The following PTPRD variants were observed in gnomAD, a reference collection of about 807,000 sequenced individuals.
PTPRD encodes receptor-type tyrosine-protein phosphatase delta.
Under a neutral mutation model 214.5 loss-of-function variants are expected in PTPRD, and 34 were observed. The ratio of observed to expected loss-of-function variants is 0.16; its 90% CI spans 0.12 to 0.21. The LOEUF (loss-of-function observed/expected upper bound fraction) is 0.21, where lower values mean the gene tolerates loss of function less well. Ranked by LOEUF, PTPRD falls within the 10% of genes least tolerant of loss-of-function variation. The pLI, the probability that PTPRD is intolerant of heterozygous loss-of-function variation, is 1.00. For missense variants in PTPRD, 2,545 were observed against 2,398.7 expected, an observed-to-expected ratio of 1.06 and a Z score of -1.27; for synonymous variants, 1,128 against 845.7, an observed-to-expected ratio of 1.33 and a Z score of -5.79.
At chr9:8,858,984 C>G (rs531722238) in intron 11 of PTPRD, among the ~76,000 whole-genome samples, 5 of 152,310 alleles carry the variant, frequency 3.3e-5, no homozygotes, top group African/African-American at 9.6e-5. Context: ...TGCTCTGCGT[C>G]CCAGCGCAAA....
At chr9:9,217,383 G>A (rs2099953022) in intron 9 of PTPRD, among the ~76,000 whole-genome samples, 1 of 152,166 alleles carries the variant, frequency 6.6e-6, no homozygotes, top group South Asian at 2.1e-4. Context: ...ATTTCCCAGA[G>A]TTGTTACTTT....
rs761057907 is a variant in PTPRD, at chr9:8,485,752, C to T, written c.3055+10G>A. The T allele has an allele frequency of 3.7e-6, 6 of 1,601,452 alleles. No individual in the cohort carries two copies. Among genetic ancestry groups the T allele is most frequent in the East Asian group, 4.5e-5 (2 of 44,738 alleles). On this transcript the variant is annotated intron_variant, in intron 28 of 45. Coordinates refer to ENST00000381196, the MANE Select transcript of PTPRD (RefSeq NM_002839.4). ...TTAAAGGAGGAAGGCCGTAAGCAGACAAATCCTACCTTGATCCACAGGCAG... is the reference window on the plus strand; with the variant it reads ...TTAAAGGAGGAAGGCCGTAAGCAGATAAATCCTACCTTGATCCACAGGCAG...
intron 11 of PTPRD, among the ~76,000 whole-genome samples, chr9:8,970,751 A>C (rs2099232826): frequency 6.6e-6 from 1 of 151,826 alleles, no homozygotes; most frequent in Non-Finnish European, 1.5e-5. Context: ...ATCTAAGTTC[A>C]AGCAAAATTT....
At chr9:9,479,394 T>C (rs960491518) in intron 8 of PTPRD, among the ~76,000 whole-genome samples, 1 of 151,822 alleles carries the variant, frequency 6.6e-6, no homozygotes, top group African/African-American at 2.4e-5. Flanking sequence ...GCTGTTTTTG[T>C]ATATTTCTTG....
intron 8 of PTPRD, among the ~76,000 whole-genome samples, chr9:9,475,585 T>A (rs1165260876): frequency 6.6e-6 from 1 of 152,192 alleles, no homozygotes; most frequent in Non-Finnish European, 1.5e-5. Flanking sequence ...TCTGTCACCC[T>A]TGCTCTTCTC....
At chr9:10,547,067 C>T (rs539528289) in intron 2 of PTPRD, among the ~76,000 whole-genome samples, 17 of 152,082 alleles carry the variant, frequency 1.1e-4, no homozygotes, top group African/African-American at 2.4e-4. Flanking sequence ...GGTCATATGA[C>T]GCTTTTTCTC....
chr9:8,683,427 A>C (rs762706399), intron 12 of PTPRD, among the ~76,000 whole-genome samples: 2 of 151,802 alleles, frequency 1.3e-5, no homozygotes, highest in Non-Finnish European at 2.9e-5. Flanking sequence ...AGAGAGAGAG[A>C]AAAGGAAATT....
intron 9 of PTPRD, among the ~76,000 whole-genome samples, chr9:9,257,508 T>C (rs1357751533): frequency 6.6e-6 from 1 of 151,948 alleles, no homozygotes; most frequent in Non-Finnish European, 1.5e-5. Flanking sequence ...TATTTAAAAA[T>C]TGGCCAAGGA....
At chr9:9,173,505 T>C (rs1485855663) in intron 10 of PTPRD, among the ~76,000 whole-genome samples, 1 of 152,074 alleles carries the variant, frequency 6.6e-6, no homozygotes, top group East Asian at 1.9e-4. Flanking sequence ...TTACTAATTA[T>C]AGCCTACCAG....
chr9:8,600,701 G>T (rs1594951796), intron 14 of PTPRD, among the ~76,000 whole-genome samples: 1 of 151,782 alleles, frequency 6.6e-6, no homozygotes, highest in Non-Finnish European at 1.5e-5. Flanking sequence ...ACCCAGTCCA[G>T]GCAGAATCCA....
chr9:10,501,241 G>A (rs1047513513), intron 2 of PTPRD, among the ~76,000 whole-genome samples: 7 of 151,828 alleles, frequency 4.6e-5, no homozygotes, highest in African/African-American at 7.2e-5. Context: ...TTTTAACTGG[G>A]GTGAGATGAT....
chr9:9,354,600 T>C (rs2052939478), intron 9 of PTPRD, among the ~76,000 whole-genome samples: 2 of 151,818 alleles, frequency 1.3e-5, no homozygotes, highest in South Asian at 2.1e-4. Flanking sequence ...CTGTAGAACT[T>C]ACATGCTATT....
At chr9:9,638,042 T>C (rs1328773749) in intron 7 of PTPRD, among the ~76,000 whole-genome samples, 1 of 152,144 alleles carries the variant, frequency 6.6e-6, no homozygotes, top group African/African-American at 2.4e-5. Flanking sequence ...ACCTCAAAGT[T>C]CTTCAAAATG....
intron 5 of PTPRD, among the ~76,000 whole-genome samples, chr9:9,917,147 C>T (rs1476401829): frequency 6.8e-6 from 1 of 148,070 alleles, no homozygotes; most frequent in Non-Finnish European, 1.5e-5. Context: ...CAATGAATGT[C>T]TAGAAAAGAA....
At chr9:8,781,424 A>G (rs572267889) in intron 11 of PTPRD, among the ~76,000 whole-genome samples, 2 of 152,346 alleles carry the variant, frequency 1.3e-5, no homozygotes, top group Admixed American at 1.3e-4. Context: ...GAAAGAAGAA[A>G]GACACAGTCA....
rs568936730 is a variant in PTPRD, at chr9:9,863,936, T to A, written c.-368+74571A>T. 2.0e-5 allele frequency among the ~76,000 whole-genome samples: 3 copies of A among 152,314 alleles called. No individual in the cohort carries two copies. In the East Asian group the frequency reaches 5.8e-4, roughly 29 times the overall value. On this transcript the variant is annotated intron_variant, in intron 5 of 45. Coordinates refer to ENST00000381196, the MANE Select transcript of PTPRD (RefSeq NM_002839.4). ...CTGAATTTTGCAGTTATGTGAGTTA[T>A]TTTGAGTTGGTTGATTTCTCATTTA...
chr9:8,786,881 A>G (rs930580424), intron 11 of PTPRD, among the ~76,000 whole-genome samples: 9 of 152,102 alleles, frequency 5.9e-5, no homozygotes, highest in African/African-American at 2.2e-4. Context: ...GTGTCTGCTG[A>G]GGAAATATAA....
chr9:10,535,618 A>G (rs577999918), intron 2 of PTPRD, among the ~76,000 whole-genome samples: 3 of 152,298 alleles, frequency 2.0e-5, no homozygotes, highest in East Asian at 1.9e-4. Context: ...AAAAAAGTCA[A>G]TAAATAAAGC....
chr9:9,416,687 C>A (rs1287243808), intron 8 of PTPRD, among the ~76,000 whole-genome samples: 1 of 152,122 alleles, frequency 6.6e-6, no homozygotes, highest in Non-Finnish European at 1.5e-5. Context: ...GAATATCTGT[C>A]TTCCATGACT....
Sources: gnomAD v4.1 joint callset for allele counts (sites outside exome capture counted in the v4.1 genomes callset) on GRCh38, gnomAD v4.1.1 for gene constraint, MANE v1.5 for transcripts, NCBI Gene and HGNC (gene_info 2026-07-23, HGNC 2026-07-21) for gene names.